The following ACTR3B variants were observed in gnomAD, a reference collection of about 807,000 sequenced individuals.
The protein encoded by ACTR3B is actin-related protein 3B.
In ACTR3B, 8 loss-of-function variants were observed where a neutral mutation model predicts 59.0. The ratio of observed to expected loss-of-function variants is 0.14; its 90% confidence interval spans 0.08 to 0.24. The LOEUF (loss-of-function observed/expected upper bound fraction) is 0.24. ACTR3B is among the 10% of genes least tolerant of loss of function. The pLI is 1.00. For missense variants in ACTR3B, 245 were observed against 552.3 expected (o/e 0.44, Z 5.58); for synonymous variants, 148 against 197.9 (o/e 0.75, Z 2.12).
At chr7:152,810,357 C>T (rs1385732415) in intron 4 of ACTR3B, among the ~76,000 whole-genome samples, 2 of 151,644 alleles carry the variant, frequency 1.3e-5, no homozygotes, top group Non-Finnish European at 2.9e-5. Flanking sequence ...TCCACCTGCC[C>T]CTGCCTCCCA....
At chr7:152,789,059 A>G (rs62494312) in intron 2 of ACTR3B, among the ~76,000 whole-genome samples, 223 of 70,118 alleles carry the variant, frequency 3.2e-3, no homozygotes, top group African/African-American at 9.4e-3. Flanking sequence ...ACAAACAGCA[A>G]CAACAAACAA....
At chr7:152,821,217 T>C (rs1273822892) in intron 7 of ACTR3B, among the ~76,000 whole-genome samples, 1 of 152,166 alleles carries the variant, frequency 6.6e-6, no homozygotes, top group Non-Finnish European at 1.5e-5. Context: ...TATTCTTTTT[T>C]AGACTAAAAT....
chr7:152,781,729 A>G (rs1337658725), intron 1 of ACTR3B, among the ~76,000 whole-genome samples: 1 of 152,114 alleles, frequency 6.6e-6, no homozygotes, highest in Non-Finnish European at 1.5e-5. Context: ...ATTGGGAAGG[A>G]TCTGGAATTC....
intron 6 of ACTR3B, among the ~76,000 whole-genome samples, chr7:152,819,206 G>A (rs1416252771): frequency 6.6e-6 from 1 of 152,134 alleles, no homozygotes; most frequent in Non-Finnish European, 1.5e-5. Flanking sequence ...TTTGCTTCTA[G>A]AAGTTACGTA....
At chr7:152,798,364 C>T (rs1307504699) in intron 2 of ACTR3B, among the ~76,000 whole-genome samples, 2 of 152,078 alleles carry the variant, frequency 1.3e-5, no homozygotes, top group Non-Finnish European at 2.9e-5. Context: ...AGGTCTCTTG[C>T]TCATTTTTCA....
At chr7:152,808,922 C>A (rs896003962) in intron 4 of ACTR3B, among the ~76,000 whole-genome samples, 2 of 152,140 alleles carry the variant, frequency 1.3e-5, no homozygotes, top group Non-Finnish European at 2.9e-5. Flanking sequence ...CTTTTCAGAT[C>A]GACAGGAGGT....
At chr7:152,803,111 A>G (rs1340828607) in intron 4 of ACTR3B, among the ~76,000 whole-genome samples, 2 of 152,178 alleles carry the variant, frequency 1.3e-5, no homozygotes, top group Non-Finnish European at 2.9e-5. Context: ...CTGTGGCACA[A>G]TCCTAGCTCA....
At chr7:152,781,193 G>GTT (rs369933153) in intron 1 of ACTR3B, among the ~76,000 whole-genome samples, 4,952 of 94,370 alleles carry the variant, frequency 0.052, 262 homozygotes, top group African/African-American at 0.064. Context: ...CGTTTCAGTG[G>GTT]TTTTTTTTTT....
chr7:152,828,549 T>C (rs1205939789), intron 9 of ACTR3B, among the ~76,000 whole-genome samples: 4 of 151,856 alleles, frequency 2.6e-5, no homozygotes, highest in Admixed American at 6.6e-5. Flanking sequence ...GATCAGTAGG[T>C]CTGTGGGTTT....
intron 7 of ACTR3B, among the ~76,000 whole-genome samples, chr7:152,822,476 G>A (rs901546925): frequency 2.0e-5 from 3 of 152,250 alleles, no homozygotes; most frequent in African/African-American, 7.2e-5. Flanking sequence ...CTGCCTGTCG[G>A]TGCAGGGCGG....
chr7:152,821,208 A>G (rs1374328629), intron 7 of ACTR3B, among the ~76,000 whole-genome samples: 3 of 152,152 alleles, frequency 2.0e-5, no homozygotes, highest in South Asian at 2.1e-4. Flanking sequence ...ATCATTAGAT[A>G]TTCTTTTTTA....
intron 9 of ACTR3B, among the ~76,000 whole-genome samples, chr7:152,851,263 T>C (rs1226965032): frequency 6.6e-6 from 1 of 152,212 alleles, no homozygotes. Context: ...TCTCTGTCTG[T>C]CTAAAAATAC....
At chr7:152,769,066 T>G (rs184841833) in intron 1 of ACTR3B, among the ~76,000 whole-genome samples, 3,476 of 152,060 alleles carry the variant, frequency 0.023, 70 homozygotes, top group Middle Eastern at 0.051. Context: ...TTGGCTAGGC[T>G]GGTCTCGAAC....
At chr7:152,831,605 G>A (rs150975052) in intron 9 of ACTR3B, among the ~76,000 whole-genome samples, 7,975 of 152,344 alleles carry the variant, frequency 0.052, 284 homozygotes, top group South Asian at 0.12. Flanking sequence ...GGACGACTCA[G>A]ATCAACTCAG....
chr7:152,819,702 G>A (rs1795997592), intron 6 of ACTR3B, among the ~76,000 whole-genome samples: 1 of 152,056 alleles, frequency 6.6e-6, no homozygotes, highest in African/African-American at 2.4e-5. Context: ...CCCAAAACCA[G>A]TGCTGTGTGC....
intron 1 of ACTR3B, among the ~76,000 whole-genome samples, chr7:152,768,010 C>T (rs566328205): frequency 2.0e-5 from 3 of 152,142 alleles, no homozygotes; most frequent in Non-Finnish European, 4.4e-5. Flanking sequence ...CACTTGAGGC[C>T]AGGAATTTGA....
rs181448700 is a variant in ACTR3B, at chr7:152,809,546, T to G, written c.337-5004T>G. On this transcript the variant is annotated intron_variant, in intron 4 of 11. Transcript: ENST00000256001. ...CTTGTTTTTGTTTTTTCTTTTTTTT[T>G]TTTGTTTTTTTTTGAGACGGAGTCT... Among the ~76,000 whole-genome samples the G allele has an allele frequency of 1.0e-2, 1,519 of 151,920 alleles. 13 individuals carry two copies. The highest frequency in any genetic ancestry group is 0.016 in the Non-Finnish European group (1,088 of 67,940).
intron 4 of ACTR3B, chr7:152,813,515 A>G (rs950388877): frequency 3.5e-5 from 5 of 144,856 alleles, no homozygotes; most frequent in African/African-American, 1.2e-4. Context: ...GCTTTGTTTC[A>G]ATATTTTTCC....
intron 1 of ACTR3B, among the ~76,000 whole-genome samples, chr7:152,762,992 A>G (rs1219811849): frequency 4.6e-5 from 7 of 152,218 alleles, no homozygotes; most frequent in Middle Eastern, 3.4e-3. Context: ...AGGTTTCTTC[A>G]CTGTTCAGTT....
Sources: allele counts gnomAD v4.1 joint callset (sites outside exome capture counted in the v4.1 genomes callset), GRCh38; gene constraint gnomAD v4.1.1; transcripts MANE v1.5; gene names NCBI Gene and HGNC (gene_info 2026-07-23, HGNC 2026-07-21).